SNX29: variants seen among roughly 807,000 people sequenced by gnomAD.
The protein encoded by SNX29 is sorting nexin-29.
In SNX29, 78 loss-of-function variants were observed where a neutral mutation model predicts 102.1. That is an observed-to-expected ratio of 0.76 (90% CI 0.64 to 0.92). The LOEUF is 0.92. Ranked by LOEUF, SNX29 falls within the 40% of genes least tolerant of loss-of-function variation. The pLI, the probability that SNX29 is intolerant of heterozygous loss-of-function variation, is 0.00. For synonymous variants in SNX29, 580 were observed against 414.5 expected, an observed-to-expected ratio of 1.40 and a Z score of -4.85; for missense variants, 1,280 against 1,061.7, an observed-to-expected ratio of 1.21 and a Z score of -2.86.
intron 18 of SNX29, among the ~76,000 whole-genome samples, chr16:12,468,715 T>C (rs2087192883): frequency 6.6e-6 from 1 of 152,196 alleles, no homozygotes; most frequent in Non-Finnish European, 1.5e-5. Flanking sequence ...GAGCTTGGTA[T>C]ACAACAGGCC....
At chr16:12,210,560 G>A (rs1357497744) in intron 14 of SNX29, among the ~76,000 whole-genome samples, 1 of 151,858 alleles carries the variant, frequency 6.6e-6, no homozygotes, top group African/African-American at 2.4e-5. Flanking sequence ...GACAGAGAAA[G>A]TGAATCCAGC....
chr16:12,566,465 C>T (rs1021404080), intron 20 of SNX29, among the ~76,000 whole-genome samples: 9 of 152,180 alleles, frequency 5.9e-5, no homozygotes, highest in African/African-American at 1.9e-4. Flanking sequence ...CAGGGCTCAT[C>T]CTGGCTGTGC....
Position 12,568,505 on chromosome 16 carries a change from G to A in SNX29, c.2319-1G>A, listed in dbSNP as rs1239368668. The A allele has an allele frequency of 1.9e-6, 3 of 1,609,716 alleles. No homozygotes were observed. The highest frequency in any genetic ancestry group is 2.5e-6 in the Non-Finnish European group (3 of 1,179,818). On this transcript the variant is annotated splice_acceptor_variant, in intron 20 of 20. Coordinates refer to ENST00000566228, the MANE Select transcript of SNX29 (RefSeq NM_032167.5). LOFTEE classifies it high-confidence loss of function. The stretch of plus-strand genomic sequence containing the variant: ...ACCCGATTCTCTCCCTGCTCTTTCA[G>A]CGACATCACCCCGCCCGGAGAGCCT...
chr16:12,071,273 G>A (rs544511780), intron 10 of SNX29, among the ~76,000 whole-genome samples: 2 of 152,280 alleles, frequency 1.3e-5, no homozygotes, highest in East Asian at 3.9e-4. Context: ...GTAATGCCTA[G>A]GTTTTCTTAT....
intron 14 of SNX29, among the ~76,000 whole-genome samples, chr16:12,259,509 G>T (rs1289527947): frequency 2.0e-5 from 3 of 152,178 alleles, no homozygotes; most frequent in Non-Finnish European, 4.4e-5. Context: ...GCTCCCCGCA[G>T]CTTTTATGAG....
intron 11 of SNX29, among the ~76,000 whole-genome samples, chr16:12,092,037 C>T (rs1335907411): frequency 6.6e-6 from 1 of 152,162 alleles, no homozygotes; most frequent in African/African-American, 2.4e-5. Flanking sequence ...GCCCTCTTTC[C>T]CTGGCCGTCC....
chr16:12,147,166 G>A (rs972367333), intron 13 of SNX29, among the ~76,000 whole-genome samples: 5 of 152,238 alleles, frequency 3.3e-5, no homozygotes, highest in African/African-American at 1.2e-4. Flanking sequence ...GAGCGTCAGA[G>A]TCATTAGTAC....
chr16:12,159,099 T>C (rs2055675031), intron 13 of SNX29, among the ~76,000 whole-genome samples: 1 of 152,254 alleles, frequency 6.6e-6, no homozygotes, highest in Admixed American at 6.5e-5. Flanking sequence ...AGCAATTAGC[T>C]GGAATGAAGG....
intron 1 of SNX29, among the ~76,000 whole-genome samples, chr16:11,985,377 G>T (rs1596527708): frequency 6.6e-6 from 1 of 152,304 alleles, no homozygotes; most frequent in African/African-American, 2.4e-5. Context: ...AGTGGAATGT[G>T]GCAGAAGCTG....
At chr16:12,214,998 GCCTGGTC>G (rs1378668245) in intron 14 of SNX29, among the ~76,000 whole-genome samples, 1 of 152,196 alleles carries the variant, frequency 6.6e-6, no homozygotes. Context: ...CCAAAACAGT[GCCTGGTC>G]CCTGGTGGGT....
chr16:12,052,053 C>A lies in SNX29; in HGVS notation c.955C>A (p.Gln319Lys), dbSNP rs759999554. The A allele has an allele frequency of 6.2e-7, 1 of 1,613,944 alleles. No individual in the cohort carries two copies. Among genetic ancestry groups the A allele is most frequent in the South Asian group, 1.1e-5 (1 of 91,064 alleles). Residue 319 changes from glutamine to lysine, a missense_variant, in exon 8 of 21, where the codon CAG becomes AAG. Coordinates refer to ENST00000566228, the MANE Select transcript of SNX29 (RefSeq NM_032167.5). ...CTTCGGGCCTAACTCCAATGGAAGT[C>A]AGAGCAGCAACTCATGGAAAATTGA... Reference protein sequence around the residue: ...SPFGPNSNGSQSSNSWKIDSL... With the variant: ...SPFGPNSNGSKSSNSWKIDSL...
At chr16:12,059,652 A>G (rs1596729612) in intron 8 of SNX29, among the ~76,000 whole-genome samples, 1 of 152,226 alleles carries the variant, frequency 6.6e-6, no homozygotes, top group African/African-American at 2.4e-5. Context: ...CTGCGGACCA[A>G]ACCCGCCCCC....
chr16:12,419,067 GAA>G (rs981587572), intron 18 of SNX29, among the ~76,000 whole-genome samples: 1 of 152,136 alleles, frequency 6.6e-6, no homozygotes, highest in African/African-American at 2.4e-5. Flanking sequence ...CCACAACAGA[GAA>G]TATCCTATCC....
intron 14 of SNX29, among the ~76,000 whole-genome samples, chr16:12,226,410 A>C (rs2077611597): frequency 6.6e-6 from 1 of 152,096 alleles, no homozygotes; most frequent in South Asian, 2.1e-4. Context: ...TAATTCTGTG[A>C]GTTTAAAAGG....
chr16:12,483,992 C>T (rs537208057), intron 19 of SNX29, among the ~76,000 whole-genome samples: 9 of 152,344 alleles, frequency 5.9e-5, no homozygotes, highest in Non-Finnish European at 8.8e-5. Context: ...GCTGGGATGA[C>T]GTTTCTGTTG....
At chr16:12,337,527 A>AG (rs2081488005) in intron 15 of SNX29, among the ~76,000 whole-genome samples, 1 of 152,040 alleles carries the variant, frequency 6.6e-6, no homozygotes, top group Non-Finnish European at 1.5e-5. Flanking sequence ...TTTTCTGTAG[A>AG]GACGAGGTTT....
At chr16:12,258,505 G>A (rs2078640473) in intron 14 of SNX29, among the ~76,000 whole-genome samples, 1 of 152,140 alleles carries the variant, frequency 6.6e-6, no homozygotes, top group South Asian at 2.1e-4. Context: ...GTTTTGCATA[G>A]AAATTGTTAC....
intron 18 of SNX29, among the ~76,000 whole-genome samples, chr16:12,416,058 G>T (rs577360772): frequency 6.6e-6 from 1 of 152,074 alleles, no homozygotes. Flanking sequence ...GAGGATGGCC[G>T]CCTGGCTTGT....
At chr16:12,011,353 G>A (rs2151057300) in intron 3 of SNX29, among the ~76,000 whole-genome samples, 1 of 151,474 alleles carries the variant, frequency 6.6e-6, no homozygotes, top group South Asian at 2.1e-4. Flanking sequence ...TTGGCTCACT[G>A]CAACCTCTGC....
Sources: allele counts gnomAD v4.1 joint callset (sites outside exome capture counted in the v4.1 genomes callset), GRCh38; gene constraint gnomAD v4.1.1; transcripts MANE v1.5; gene names NCBI Gene and HGNC (gene_info 2026-07-23, HGNC 2026-07-21).